Variants in LRRTM3 observed in about 807,000 individuals in gnomAD.
The protein encoded by LRRTM3 is leucine-rich repeat transmembrane neuronal protein 3.
In LRRTM3, 24 loss-of-function variants were observed where a neutral mutation model predicts 44.7. That is an observed-to-expected ratio of 0.54 (90% confidence interval 0.39 to 0.76). LRRTM3 has a LOEUF of 0.76. Among genes scored for constraint, LRRTM3 ranks in the 30% least tolerant of loss-of-function variants. LRRTM3 has a pLI of 0.00. For missense variants in LRRTM3, 587 were observed against 702.2 expected, an observed-to-expected ratio of 0.84 and a Z score of 1.85; for synonymous variants, 277 against 278.7, an observed-to-expected ratio of 0.99 and a Z score of 0.06.
At chr10:66,976,765 G>C (rs1397084008) in intron 2 of LRRTM3, among the ~76,000 whole-genome samples, 1 of 152,074 alleles carries the variant, frequency 6.6e-6, no homozygotes, top group African/African-American at 2.4e-5. Flanking sequence ...TTCATCTAGA[G>C]TAAGTCTTTA....
chr10:67,011,983 C>T (rs912434128), intron 2 of LRRTM3, among the ~76,000 whole-genome samples: 1 of 152,100 alleles, frequency 6.6e-6, no homozygotes, highest in Non-Finnish European at 1.5e-5. Context: ...CCTCCTCTGT[C>T]ATTTCAAGAA....
At chr10:66,999,935 CA>C (rs1851580036) in intron 2 of LRRTM3, among the ~76,000 whole-genome samples, 1 of 152,150 alleles carries the variant, frequency 6.6e-6, no homozygotes, top group South Asian at 2.1e-4. Flanking sequence ...GGCTTTAGAT[CA>C]GTGACTAGAT....
intron 2 of LRRTM3, among the ~76,000 whole-genome samples, chr10:66,990,086 G>A (rs1850960477): frequency 6.6e-6 from 1 of 152,132 alleles, no homozygotes; most frequent in African/African-American, 2.4e-5. Context: ...GGTTGGAGAA[G>A]TCTTCATTTT....
intron 2 of LRRTM3, among the ~76,000 whole-genome samples, chr10:67,039,986 T>A (rs1168197321): frequency 1.3e-5 from 2 of 152,164 alleles, no homozygotes; most frequent in Admixed American, 6.5e-5. Flanking sequence ...TCCTCAGGAA[T>A]GTCACCCTGT....
chr10:67,061,110 A>T (rs888267922), intron 2 of LRRTM3, among the ~76,000 whole-genome samples: 5 of 152,200 alleles, frequency 3.3e-5, no homozygotes, highest in African/African-American at 1.2e-4. Context: ...GCTAAAAATT[A>T]ACGGTTTGGG....
At chr10:67,063,097 C>A (rs1419292378) in intron 2 of LRRTM3, among the ~76,000 whole-genome samples, 4 of 152,082 alleles carry the variant, frequency 2.6e-5, no homozygotes, top group Admixed American at 2.6e-4. Flanking sequence ...CAAACCCTGA[C>A]CGATGCAGTA....
intron 2 of LRRTM3, among the ~76,000 whole-genome samples, chr10:67,037,774 G>C (rs905701705): frequency 7.9e-5 from 12 of 152,116 alleles, no homozygotes; most frequent in Non-Finnish European, 5.9e-5. Flanking sequence ...TTTTTAACTT[G>C]AACAAATACA....
intron 2 of LRRTM3, among the ~76,000 whole-genome samples, chr10:67,084,506 C>A (rs562493010): frequency 1.3e-5 from 2 of 149,454 alleles, no homozygotes; most frequent in East Asian, 1.9e-4. Flanking sequence ...TCATTCACAG[C>A]AGAACACCCT....
At chr10:67,038,122 G>A (rs79945377) in intron 2 of LRRTM3, among the ~76,000 whole-genome samples, 1,841 of 152,196 alleles carry the variant, frequency 0.012, 48 homozygotes, top group African/African-American at 0.042. Context: ...TATGAGTATT[G>A]TAGAGCAAGC....
intron 2 of LRRTM3, among the ~76,000 whole-genome samples, chr10:67,027,251 T>C (rs575458713): frequency 1.0e-3 from 159 of 152,208 alleles, no homozygotes; most frequent in African/African-American, 3.7e-3. Context: ...AAAAGGAAGA[T>C]AGAGCTGAAT....
In LRRTM3 at chr10:66,999,399, T is replaced by C. The variant is rs556570292; in HGVS notation, c.1536+70947T>C. On this transcript the variant is annotated intron_variant, in intron 2 of 2. Coordinates refer to ENST00000361320, the MANE Select transcript of LRRTM3 (RefSeq NM_178011.5). ...CCTGAAAAAAATATATAATCAAGGA[T>C]AGGTAAGCATCTAATAATTAAATTA... Among the ~76,000 whole-genome samples, 131 of 152,106 alleles carry C rather than the reference T, an allele frequency of 8.6e-4. 1 individual carries two copies. Among genetic ancestry groups the C allele is most frequent in the Admixed American group, 5.9e-4 (9 of 15,266 alleles).
rs962147680 is a variant in LRRTM3 at position 66,963,719 on chromosome 10, T to C, written c.1536+35267T>C. 8.5e-5 allele frequency among the ~76,000 whole-genome samples: 13 copies of C among 152,210 alleles called. No individual in the cohort carries two copies. The East Asian group carries it at 2.1e-3, about 25-fold the overall frequency. On this transcript the variant is annotated intron_variant, in intron 2 of 2. Transcript: ENST00000361320. The stretch of plus-strand genomic sequence containing the variant: ...TAGAAGGAGACCAAGACTCTATTCA[T>C]GAGAAAGAGCAGGGTGAGACATTAT...
chr10:67,037,423 G>T (rs573667128), intron 2 of LRRTM3, among the ~76,000 whole-genome samples: 1 of 151,298 alleles, frequency 6.6e-6, no homozygotes, highest in Admixed American at 6.6e-5. Context: ...TCAAAGAAAT[G>T]TCTCTCAAGT....
rs138190653 is a variant in LRRTM3 at position 67,093,703 on chromosome 10, G to A, written c.1537-3884G>A. Among the ~76,000 whole-genome samples, 60 of 152,004 alleles carry A rather than the reference G, an allele frequency of 3.9e-4. No homozygotes were observed. In the East Asian group the frequency reaches 5.0e-3, roughly 13 times the overall value. On this transcript the variant is annotated intron_variant, in intron 2 of 2. Coordinates refer to ENST00000361320, the MANE Select transcript of LRRTM3 (RefSeq NM_178011.5). ...ACAAAAGATTGCTGAATTCACAGTC[G>A]TTGCCCAAACCTCTGCATCAGGTAT...
intron 2 of LRRTM3, among the ~76,000 whole-genome samples, chr10:67,009,511 T>G (rs1048489604): frequency 1.3e-5 from 2 of 152,176 alleles, no homozygotes; most frequent in South Asian, 4.1e-4. Flanking sequence ...CTCATAGATA[T>G]TTTTTCAGGC....
chr10:67,037,691 A>T (rs1854149361), intron 2 of LRRTM3, among the ~76,000 whole-genome samples: 1 of 152,194 alleles, frequency 6.6e-6, no homozygotes. Flanking sequence ...TTTAGAATGG[A>T]GTATTGACAG....
intron 2 of LRRTM3, among the ~76,000 whole-genome samples, chr10:67,067,304 A>G (rs1383120896): frequency 6.6e-6 from 1 of 152,052 alleles, no homozygotes; most frequent in Non-Finnish European, 1.5e-5. Context: ...TAACCACTTT[A>G]ATACTGCATG....
intron 2 of LRRTM3, among the ~76,000 whole-genome samples, chr10:67,010,811 C>A (rs117006411): frequency 6.6e-6 from 1 of 152,138 alleles, no homozygotes; most frequent in Non-Finnish European, 1.5e-5. Context: ...TATTTGTATG[C>A]CCAGTTCTCA....
intron 2 of LRRTM3, among the ~76,000 whole-genome samples, chr10:66,997,751 C>T (rs1851436466): frequency 1.3e-5 from 2 of 152,076 alleles, no homozygotes; most frequent in Non-Finnish European, 1.5e-5. Flanking sequence ...GAGAATTGTT[C>T]CCCAGGCAGA....
Sources: gnomAD v4.1 joint callset for allele counts (sites outside exome capture counted in the v4.1 genomes callset) on GRCh38, gnomAD v4.1.1 for gene constraint, MANE v1.5 for transcripts, NCBI Gene and HGNC (gene_info 2026-07-23, HGNC 2026-07-21) for gene names.